Variants in NEB observed in about 807,000 individuals in gnomAD.
NEB encodes the protein nemaline myopathy type 2.
NEB carries 512 observed loss-of-function variants against 952.2 expected under a neutral mutation model. The observed-to-expected ratio is 0.54, with a 90% CI of 0.50 to 0.58. The LOEUF (loss-of-function observed/expected upper bound fraction) is 0.58. Ranked by LOEUF, NEB falls within the 20% of genes least tolerant of loss-of-function variation. The pLI is 0.00. For missense variants in NEB, 8,428 were observed against 9,231.1 expected (o/e 0.91, Z 3.56); for synonymous variants, 2,900 against 3,149.8 (o/e 0.92, Z 2.66).
At chr2:151,578,837 T>G (rs2097002594) in intron 105 of NEB, among the ~76,000 whole-genome samples, 1 of 151,642 alleles carries the variant, frequency 6.6e-6, no homozygotes, top group South Asian at 2.1e-4. Context: ...ATCCCAGAAC[T>G]TTGGAAGGCT....
rs778716460 is a variant in NEB at position 151,561,204 on chromosome 2, G to A, written c.19101+4C>T. 2.3e-5 allele frequency: 37 copies of A among 1,600,802 alleles called. No individual in the cohort carries two copies. Among genetic ancestry groups the A allele is most frequent in the Admixed American group, 1.7e-4 (10 of 58,632 alleles). On this transcript the variant is annotated splice_donor_region_variant and intron_variant, in intron 122 of 181. Transcript: ENST00000397345. ...CCCTGGAAGAGGAGTACAGGAAGAC[G>A]CACCTCACTGGCATTAATGCCACTC... is the stretch of plus-strand genomic sequence containing the variant.
intron 65 of NEB, among the ~76,000 whole-genome samples, chr2:151,631,672 C>T (rs373618445): frequency 4.6e-5 from 7 of 152,240 alleles, no homozygotes; most frequent in Non-Finnish European, 7.4e-5. Context: ...AAACCACACC[C>T]GTGCCCAACA....
chr2:151,577,877 C>G (rs894907719), intron 105 of NEB, among the ~76,000 whole-genome samples: 3 of 152,180 alleles, frequency 2.0e-5, no homozygotes, highest in Non-Finnish European at 2.9e-5. Context: ...CAGCGCCCAG[C>G]CTATGTCATG....
chr2:151,712,862 C>T (rs1035007233), intron 10 of NEB, among the ~76,000 whole-genome samples: 4 of 152,040 alleles, frequency 2.6e-5, no homozygotes, highest in Admixed American at 2.0e-4. Context: ...AACATTCAAC[C>T]TTCCCAACAT....
At chr2:151,696,871 T>A in intron 16 of NEB, 136 bp from the exon 17 acceptor site, 1 of 676,864 alleles carries the variant, frequency 1.5e-6, no homozygotes, top group Non-Finnish European at 2.5e-6. Flanking sequence ...TTTTTCTAAC[T>A]AGACTGTAGT....
Position 151,675,296 on chromosome 2 carries a change from A to G in NEB, c.3870T>C (p.Asn1290=), listed in dbSNP as rs1214484372. The change falls in exon 35 of 182, where the codon AAT becomes AAC. Residue 1290 remains asparagine (N), a synonymous_variant. Coordinates refer to ENST00000397345, the MANE Select transcript of NEB (RefSeq NM_001164508.2). The part of the protein sequence containing the change: ...QFLQAKCNAY[N]ISDVCYKRDW... ...CAAAGACCCTACTTACGTCACTTAT[A>G]TTGTAAGCATTGCACTTGGCCTGGA... 5 of 1,577,820 alleles carry G rather than the reference A, an allele frequency of 3.2e-6. No homozygotes were observed. In the African/African-American group the frequency reaches 4.0e-5, roughly 13 times the overall value.
Position 151,494,585 on chromosome 2 carries a change from T to G in NEB, c.24487-332A>C, listed in dbSNP as rs181077987. ...CAAACAGGAGTTACAGGCATGAGCT[T>G]CAATCACACTGAGAAGGTTGAGGCT... On this transcript the variant is annotated intron_variant, in intron 173 of 181. Coordinates refer to ENST00000397345, the MANE Select transcript of NEB (RefSeq NM_001164508.2). 2.0e-5 allele frequency among the ~76,000 whole-genome samples: 3 copies of G among 152,250 alleles called. No homozygotes were observed. The East Asian group carries it at 5.8e-4, about 29-fold the overall frequency.
At position 151,666,309 on chromosome 2, in the gene NEB, A is replaced by G; in HGVS notation, c.4812T>C (p.Asn1604=). The G allele has an allele frequency of 1.2e-6, 2 of 1,613,892 alleles. No homozygotes were observed. The highest frequency in any genetic ancestry group is 1.7e-6 in the Non-Finnish European group (2 of 1,179,854). The change falls in exon 41 of 182, where the codon AAT becomes AAC. Residue 1604 remains asparagine (N), a synonymous_variant. Transcript: ENST00000397345. ...CACGATCAGACTGGATTTTGGCCACATTCATGTAGTGAACCAGTTTAGGAT... is the reference window on the plus strand; with the variant it reads ...CACGATCAGACTGGATTTTGGCCACGTTCATGTAGTGAACCAGTTTAGGAT... The part of the protein sequence containing the change: ...QDDPKLVHYM[N]VAKIQSDREY...
intron 107 of NEB, among the ~76,000 whole-genome samples, chr2:151,575,389 G>A (rs187409832): frequency 5.9e-5 from 9 of 152,196 alleles, no homozygotes; most frequent in Admixed American, 1.3e-4. Flanking sequence ...TGAGTCTATC[G>A]TTAATTCTCT....
In NEB at chr2:151,684,796, T is replaced by A; in HGVS notation, c.2817A>T (p.Ala939=). ...DSINVDLAKK[A]YALQSDVEYK... is the part of the protein sequence containing the mutation. ...TACTCACATCGCTCTGCAGCGCATATGCCTTCTTGGCAAGGTCCACATTGA... is the reference window on the plus strand; with the variant it reads ...TACTCACATCGCTCTGCAGCGCATAAGCCTTCTTGGCAAGGTCCACATTGA... The change falls in exon 28 of 182, where the codon GCA becomes GCT. Residue 939 remains alanine, a synonymous_variant. Transcript: ENST00000397345. 1 of 1,609,142 alleles carries A rather than the reference T, an allele frequency of 6.2e-7. No individual in the cohort carries two copies. Among genetic ancestry groups the A allele is most frequent in the Non-Finnish European group, 8.5e-7 (1 of 1,177,358 alleles).
At chr2:151,706,771 A>G in intron 13 of NEB, 110 bp downstream of exon 13, 1 of 772,360 alleles carries the variant, frequency 1.3e-6, no homozygotes, top group Non-Finnish European at 2.2e-6. Flanking sequence ...CTACCACTCC[A>G]TAACCTTAAT....
chr2:151,541,663 C>A (rs762848160), intron 135 of NEB, 112 bp from the exon 136 acceptor site: 2 of 766,480 alleles, frequency 2.6e-6, no homozygotes, highest in Non-Finnish European at 4.4e-6. Context: ...CCCACTGCAA[C>A]GATTGCAGTT....
In NEB at chr2:151,529,230, C is replaced by A; in HGVS notation, c.21715G>T (p.Ala7239Ser). ...DAVHIKAAKDAYKVNTNLDYK... is the reference protein window; with the variant it reads ...DAVHIKAAKDSYKVNTNLDYK... ...CTTACATTGGTGTTGACTTTGTAGG[C>A]GTCCTTGGCTGCTTTGATATGAACA... Residue 7239 changes from alanine (A) to serine (S), a missense_variant, in exon 146 of 182, where the codon GCC becomes TCC. Ala to Ser is a moderately conservative substitution (Grantham distance 99). Around this residue, in one of 11 missense-constraint regions of NEB, gnomAD observed 3,374 missense variants for 3,651.5 expected, o/e 0.92. Transcript: ENST00000397345. 6.2e-7 allele frequency: 1 copy of A among 1,612,156 alleles called. No homozygotes were observed. The highest frequency in any genetic ancestry group is 1.1e-5 in the South Asian group (1 of 90,998).
intron 71 of NEB, among the ~76,000 whole-genome samples, chr2:151,622,387 C>A (rs181092205): frequency 5.6e-4 from 85 of 152,248 alleles, no homozygotes; most frequent in African/African-American, 1.7e-3. Flanking sequence ...AAAATGAAAT[C>A]TTTATATTAT....
In NEB at chr2:151,551,757, G is replaced by C; in HGVS notation, c.19925C>G (p.Ala6642Gly). Residue 6642 changes from alanine (A) to glycine (G), a missense_variant, in exon 129 of 182, where the codon GCA becomes GGA. By Grantham distance (60) the Ala-to-Gly change is moderately conservative. Coordinates refer to ENST00000397345, the MANE Select transcript of NEB (RefSeq NM_001164508.2). ...KTVDLDRALH[A>G]YKLQSSNLYK... ...GCTCACCGAACTCTGGAGCTTGTAT[G>C]CATGAAGGGCCCGGTCCAGATCCAC... 1 of 1,613,504 alleles carries C rather than the reference G, an allele frequency of 6.2e-7. No homozygotes were observed. The highest frequency in any genetic ancestry group is 8.5e-7 in the Non-Finnish European group (1 of 1,179,592).
intron 18 of NEB, 72 bp from the exon 19 acceptor site, chr2:151,694,701 T>TAA: frequency 9.1e-7 from 1 of 1,103,850 alleles, no homozygotes; most frequent in Non-Finnish European, 1.3e-6. Flanking sequence ...GACTAGTGGG[T>TAA]AACTAAATAC....
At chr2:151,681,923 C>T (rs183608868) in intron 29 of NEB, among the ~76,000 whole-genome samples, 14 of 152,188 alleles carry the variant, frequency 9.2e-5, no homozygotes, top group African/African-American at 2.7e-4. Context: ...AGAAACCATC[C>T]ACATATCCCC....
At chr2:151,519,793 A>G (rs996200674) in intron 153 of NEB, 25 bp from the exon 154 acceptor site, 1 of 1,459,298 alleles carries the variant, frequency 6.9e-7, no homozygotes, top group African/African-American at 1.4e-5. Context: ...AAACATCCAA[A>G]TTATTCCTGG....
In NEB at chr2:151,560,644, G is replaced by A; in HGVS notation, c.19262C>T (p.Ser6421Phe). The change falls in exon 124 of 182, where the codon TCC becomes TTC. Residue 6421 changes from serine (S) to phenylalanine (F), a missense_variant. This residue lies in a region of NEB where 3,374 missense variants were observed against 3,651.5 expected (regional missense o/e 0.92). Coordinates refer to ENST00000397345, the MANE Select transcript of NEB (RefSeq NM_001164508.2). ...RVKATSYILP[S>F]STLSLTHAKN... ...GGCGTGTGTCAGGGACAAGGTGCTG[G>A]AAGGCAGGATGTAGCTGGTGGCTTT... 6.2e-7 allele frequency: 1 copy of A among 1,612,722 alleles called. No individual in the cohort carries two copies. The highest frequency in any genetic ancestry group is 8.5e-7 in the Non-Finnish European group (1 of 1,179,454).
Sources: allele counts gnomAD v4.1 joint callset (sites outside exome capture counted in the v4.1 genomes callset), GRCh38; gene constraint gnomAD v4.1.1; regional missense constraint gnomAD v4.1.1; transcripts MANE v1.5; gene names NCBI Gene and HGNC (gene_info 2026-07-23, HGNC 2026-07-21).